The following CLIC2 variants were observed in gnomAD, a reference collection of about 807,000 sequenced individuals.
CLIC2 encodes CLIC family member 2.
CLIC2 carries 9 observed loss-of-function variants against 14.8 expected under a neutral mutation model. The observed-to-expected ratio is 0.61, with a 90% CI of 0.37 to 1.06. The LOEUF is 1.06. CLIC2 is among the 50% of genes least tolerant of loss of function. The probability of loss-of-function intolerance (pLI) is 0.01; values close to 1 mark genes in which losing one functional copy is unlikely to be tolerated. For missense variants in CLIC2, 148 were observed against 181.4 expected, an observed-to-expected ratio of 0.82 and a Z score of 1.06; for synonymous variants, 61 against 66.3, an observed-to-expected ratio of 0.92 and a Z score of 0.39.
intron 1 of CLIC2, among the ~76,000 whole-genome samples, chrX:155,317,548 G>A (rs999970976): frequency 1.8e-4 from 20 of 111,592 alleles, no homozygotes; most frequent in Non-Finnish European, 3.6e-4. Flanking sequence ...CAAGCAGCAA[G>A]ATTAAAATGA....
At chrX:155,292,643 G>T (rs781878782) in intron 3 of CLIC2, 2 of 236,595 alleles carry the variant, frequency 8.5e-6, no homozygotes, top group Admixed American at 6.9e-5. Context: ...GGTGGCGGGC[G>T]CCTGTAGTCC....
rs376190222 is a variant in CLIC2, at chrX:155,286,995, G to T, written c.294-6927C>A. Among the ~76,000 whole-genome samples the T allele has an allele frequency of 4.3e-4, 48 of 112,163 alleles. No individual in the cohort carries two copies. In the South Asian group the frequency reaches 0.015, roughly 34 times the overall value. ...AATTAAATCCCATTTGTCAATTTTT[G>T]CTTTTGTTGCAATTGCTTTTGACAT... On this transcript the variant is annotated intron_variant, in intron 3 of 5. Coordinates refer to ENST00000369449, the MANE Select transcript of CLIC2 (RefSeq NM_001289.6).
rs2124144194 is a variant in CLIC2 at position 155,277,813 on chromosome X, T to C, written c.*90A>G. On this transcript the variant is annotated 3_prime_UTR_variant, in exon 6 of 6. Transcript: ENST00000369449. ...GAGAGTTGGATAGAAGAAACAGTAT[T>C]TTTCATATTCTTATTTGCAAAAACC... 1.3e-6 allele frequency: 1 copy of C among 792,717 alleles called. No individual in the cohort carries two copies. The highest frequency in any genetic ancestry group is 2.2e-5 in the South Asian group (1 of 46,212). 65.3% of individuals were successfully genotyped at this position (792,717 alleles called of 1,213,427 possible).
intron 3 of CLIC2, among the ~76,000 whole-genome samples, chrX:155,280,386 A>G (rs2074914364): frequency 1.8e-5 from 2 of 112,417 alleles, no homozygotes; most frequent in Admixed American, 9.5e-5. Context: ...ATTTGCAGAC[A>G]TGAGTAGTAG....
At chrX:155,321,852 A>C (rs1327106736) in intron 1 of CLIC2, among the ~76,000 whole-genome samples, 1 of 111,205 alleles carries the variant, frequency 9.0e-6, no homozygotes, top group Non-Finnish European at 1.9e-5. Flanking sequence ...CTCAAAATAA[A>C]GGGATGGAGG....
chrX:155,307,874 CTT>C (rs2075061229), intron 1 of CLIC2, among the ~76,000 whole-genome samples: 1 of 111,226 alleles, frequency 9.0e-6, no homozygotes, highest in South Asian at 3.9e-4. Context: ...GAGACTCTGT[CTT>C]AAAATAAATT....
At chrX:155,323,850 C>A (rs2075126508) in intron 1 of CLIC2, among the ~76,000 whole-genome samples, 5 of 112,301 alleles carry the variant, frequency 4.5e-5, no homozygotes, top group Non-Finnish European at 9.4e-5. Context: ...GACACAAAAT[C>A]AATGTGCAAA....
chrX:155,305,218 T>C (rs1307945572), intron 1 of CLIC2, among the ~76,000 whole-genome samples: 3 of 112,124 alleles, frequency 2.7e-5, no homozygotes, highest in African/African-American at 6.5e-5. Flanking sequence ...ACTGCTGTGC[T>C]AGCAATCAGC....
At chrX:155,331,136 G>T (rs1244516589) in intron 1 of CLIC2, among the ~76,000 whole-genome samples, 1 of 110,571 alleles carries the variant, frequency 9.0e-6, no homozygotes, top group Non-Finnish European at 1.9e-5. Context: ...TCAGACTAAG[G>T]ATCCAATCAA....
At chrX:155,328,882 T>A (rs2075147434) in intron 1 of CLIC2, among the ~76,000 whole-genome samples, 1 of 110,811 alleles carries the variant, frequency 9.0e-6, no homozygotes, top group East Asian at 2.8e-4. Flanking sequence ...GGAAAGGTGC[T>A]GGGAAAACTG....
chrX:155,320,112 G>A (rs5983776), intron 1 of CLIC2, among the ~76,000 whole-genome samples: 1 of 112,478 alleles, frequency 8.9e-6, no homozygotes, highest in Non-Finnish European at 1.9e-5. Flanking sequence ...CCAGGGGGAA[G>A]GGGTGGCTGT....
intron 1 of CLIC2, among the ~76,000 whole-genome samples, chrX:155,305,144 C>G (rs1171806545): frequency 3.6e-5 from 4 of 112,385 alleles, no homozygotes; most frequent in South Asian, 3.7e-4. Context: ...TTTACCTAAT[C>G]AAGCCTGGGC....
intron 1 of CLIC2, among the ~76,000 whole-genome samples, chrX:155,331,689 A>C (rs782318750): frequency 9.0e-6 from 1 of 111,319 alleles, no homozygotes; most frequent in South Asian, 3.8e-4. Context: ...ACAGTCGGCT[A>C]ATCAAGAGTT....
intron 3 of CLIC2, among the ~76,000 whole-genome samples, chrX:155,283,634 GA>G (rs2074928331): frequency 9.1e-6 from 1 of 110,211 alleles, no homozygotes; most frequent in Admixed American, 9.7e-5. Context: ...TTCCACCTAT[GA>G]GTGAGAACAT....
chrX:155,305,547 T>C (rs782071418), intron 1 of CLIC2, among the ~76,000 whole-genome samples: 11 of 112,448 alleles, frequency 9.8e-5, no homozygotes, highest in Non-Finnish European at 1.5e-4. Flanking sequence ...GCGTCGCTCA[T>C]CCTGGGAGCT....
At chrX:155,291,689 C>G (rs907377701) in intron 3 of CLIC2, among the ~76,000 whole-genome samples, 4 of 111,718 alleles carry the variant, frequency 3.6e-5, no homozygotes, top group African/African-American at 1.3e-4. Context: ...GAGAACAAAA[C>G]CAAATGATCA....
At chrX:155,280,988 G>GATAT (rs1557316366) in intron 3 of CLIC2, among the ~76,000 whole-genome samples, 2 of 54,784 alleles carry the variant, frequency 3.7e-5, no homozygotes, top group Non-Finnish European at 6.6e-5. Context: ...TAGAAATTGT[G>GATAT]AGATATATAT....
chrX:155,333,588 C>T (rs151113194), intron 1 of CLIC2, among the ~76,000 whole-genome samples: 5,002 of 110,490 alleles, frequency 0.045, 134 homozygotes, highest in Non-Finnish European at 0.072. Flanking sequence ...TTAATGTAAG[C>T]GAGGATTTAG....
rs183067063 is a variant in CLIC2, at chrX:155,298,865, C to T, written c.213G>A (p.Pro71=). 39 of 1,206,031 alleles carry T rather than the reference C, an allele frequency of 3.2e-5. No homozygotes were observed. The highest frequency in any genetic ancestry group is 1.4e-4 in the African/African-American group (8 of 57,138). Residue 71 remains proline, a synonymous_variant, in exon 3 of 6, where the codon CCG becomes CCA. Coordinates refer to ENST00000369449, the MANE Select transcript of CLIC2 (RefSeq NM_001289.6). ...LKDLAPGTNP[P]FLVYNKELKT... is the part of the protein sequence containing the mutation. ...TCAACTCCTTGTTATACACCAGGAA[C>T]GGAGGATTGGTACCTGGGGCTAAGT... is the stretch of plus-strand genomic sequence containing the variant.
Sources: allele counts gnomAD v4.1 joint callset (sites outside exome capture counted in the v4.1 genomes callset), GRCh38; gene constraint gnomAD v4.1.1; transcripts MANE v1.5; gene names NCBI Gene and HGNC (gene_info 2026-07-23, HGNC 2026-07-21).